The following CERS6 variants were observed in gnomAD, a reference collection of about 807,000 sequenced individuals.
CERS6 encodes the protein ceramide synthase 6.
CERS6 carries 26 observed loss-of-function variants against 56.8 expected under a neutral mutation model. The ratio of observed to expected loss-of-function variants is 0.46; its 90% CI spans 0.34 to 0.63. The LOEUF is 0.63. CERS6 is among the 30% of genes least tolerant of loss of function. The pLI is 0.01. For synonymous variants in CERS6, 164 were observed against 173.3 expected, an observed-to-expected ratio of 0.95 and a Z score of 0.42; for missense variants, 415 against 467.5, an observed-to-expected ratio of 0.89 and a Z score of 1.04.
At chr2:168,471,854 T>G (rs1413888477) in intron 1 of CERS6, among the ~76,000 whole-genome samples, 1 of 152,214 alleles carries the variant, frequency 6.6e-6, no homozygotes, top group African/African-American at 2.4e-5. Flanking sequence ...CCAAAGTAAG[T>G]AAATAGTATA....
chr2:168,475,574 A>C (rs1694053876), intron 1 of CERS6, among the ~76,000 whole-genome samples: 2 of 151,412 alleles, frequency 1.3e-5, no homozygotes. Flanking sequence ...TATAAACAAT[A>C]AGGCTAGCAG....
At position 168,652,854 on chromosome 2, in the gene CERS6, A is replaced by T. The variant is rs922398664; in HGVS notation, c.465+21812A>T. 2.0e-5 allele frequency among the ~76,000 whole-genome samples: 3 copies of T among 152,314 alleles called. No individual in the cohort carries two copies. The South Asian group carries it at 6.2e-4, about 32-fold the overall frequency. On this transcript the variant is annotated intron_variant, in intron 4 of 9. Coordinates refer to ENST00000305747, the MANE Select transcript of CERS6 (RefSeq NM_203463.3). ...CCAATGCACAGACACGTGCTCTTTCACATTCATTCAGTTTCATTCCTTGTA... is the reference window on the plus strand; with the variant it reads ...CCAATGCACAGACACGTGCTCTTTCTCATTCATTCAGTTTCATTCCTTGTA...
In CERS6 at chr2:168,772,900, G is replaced by A. The variant is rs1198405156; in HGVS notation, c.*3238G>A. The A allele has an allele frequency of 6.6e-6, 1 of 152,600 alleles. No homozygotes were observed. The highest frequency in any genetic ancestry group is 1.9e-4 in the East Asian group (1 of 5,200). The allele number at this position is 152,600 out of a possible 1,614,324, so 9.5% of individuals were successfully genotyped here. A position where few individuals can be genotyped will look rare whatever the true frequency, so the allele number is the denominator to read the frequency against. On this transcript the variant is annotated 3_prime_UTR_variant, in exon 10 of 10. Transcript: ENST00000305747. ...AGTGAGATAAAATCAGATCACCTTT[G>A]ATCAAAATGGTTGGTGAACCTCCAC...
chr2:168,462,011 T>C (rs1233415251), intron 1 of CERS6, among the ~76,000 whole-genome samples: 3 of 152,244 alleles, frequency 2.0e-5, no homozygotes, highest in Non-Finnish European at 4.4e-5. Flanking sequence ...ATCCTCAGGC[T>C]GCCCTCTTGT....
intron 1 of CERS6, among the ~76,000 whole-genome samples, chr2:168,520,724 C>G (rs541153167): frequency 6.7e-6 from 1 of 149,082 alleles, no homozygotes; most frequent in African/African-American, 2.5e-5. Flanking sequence ...ATTCTTGTGC[C>G]TCAGCCTCCT....
At position 168,730,743 on chromosome 2, in the gene CERS6, T is replaced by A. The variant is rs114463116; in HGVS notation, c.845+12765T>A. ...TTGAAAGGACGGCATATAAACCCAC[T>A]TATAATTTTCACAAACAGTTGTGTC... On this transcript the variant is annotated intron_variant, in intron 8 of 9. Transcript: ENST00000305747. Among the ~76,000 whole-genome samples the A allele has an allele frequency of 7.1e-3, 1,084 of 152,278 alleles. 11 individuals are homozygous for A. Among genetic ancestry groups the A allele is most frequent in the African/African-American group, 0.024 (1,017 of 41,584 alleles).
Position 168,773,356 on chromosome 2 carries a change from A to G in CERS6, c.*3694A>G, listed in dbSNP as rs1574236303. 1.3e-5 allele frequency: 2 copies of G among 152,382 alleles called. No individual in the cohort carries two copies. Among genetic ancestry groups the G allele is most frequent in the Non-Finnish European group, 2.9e-5 (2 of 68,038 alleles). 9.4% of individuals were successfully genotyped at this position (152,382 alleles called of 1,614,324 possible). A position where few individuals can be genotyped will look rare whatever the true frequency, so the allele number is the denominator to read the frequency against. ...AGAGGCTTCAAGAAATCCTTTGGAA[A>G]TAAAAAGTTAAATGTTTACATTTCA... On this transcript the variant is annotated 3_prime_UTR_variant, in exon 10 of 10. Transcript: ENST00000305747.
chr2:168,724,319 T>C (rs1683277999), intron 8 of CERS6, among the ~76,000 whole-genome samples: 2 of 152,166 alleles, frequency 1.3e-5, no homozygotes, highest in African/African-American at 4.8e-5. Context: ...TTACAGCTCA[T>C]AAAAGCAGTG....
intron 4 of CERS6, among the ~76,000 whole-genome samples, chr2:168,641,958 A>G (rs1465025866): frequency 6.6e-6 from 1 of 152,092 alleles, no homozygotes; most frequent in East Asian, 1.9e-4. Flanking sequence ...GGGGAAAACA[A>G]CTTTAATGAC....
At chr2:168,691,330 A>C (rs1387438164) in intron 5 of CERS6, among the ~76,000 whole-genome samples, 1 of 152,200 alleles carries the variant, frequency 6.6e-6, no homozygotes, top group Non-Finnish European at 1.5e-5. Context: ...TTACAAGGGA[A>C]TAGGATCAAT....
At chr2:168,666,535 G>A (rs1365374334) in intron 4 of CERS6, among the ~76,000 whole-genome samples, 1 of 152,116 alleles carries the variant, frequency 6.6e-6, no homozygotes, top group Non-Finnish European at 1.5e-5. Context: ...TCCATTGTGT[G>A]TATATACCAC....
Position 168,465,479 on chromosome 2 carries a change from T to A in CERS6, c.170+8861T>A, listed in dbSNP as rs1693854265. On this transcript the variant is annotated intron_variant, in intron 1 of 9. Coordinates refer to ENST00000305747, the MANE Select transcript of CERS6 (RefSeq NM_203463.3). The stretch of plus-strand genomic sequence containing the variant: ...CCCCACCTCCTAACACCATCACACT[T>A]AGTTATTAGGTTTCAACGTGAATTT... 2.6e-5 allele frequency among the ~76,000 whole-genome samples: 4 copies of A among 152,156 alleles called. No homozygotes were observed. In the South Asian group the frequency reaches 8.3e-4, roughly 32 times the overall value.
intron 8 of CERS6, among the ~76,000 whole-genome samples, chr2:168,759,154 CAG>C (rs1684496436): frequency 6.6e-6 from 1 of 152,144 alleles, no homozygotes; most frequent in African/African-American, 2.4e-5. Flanking sequence ...ACAGGTGTAT[CAG>C]GGCATCAGCA....
intron 3 of CERS6, among the ~76,000 whole-genome samples, chr2:168,629,241 A>G (rs1016056666): frequency 2.6e-5 from 4 of 152,210 alleles, no homozygotes; most frequent in African/African-American, 4.8e-5. Context: ...AAACTTTTTT[A>G]TACATAAAAA....
chr2:168,735,086 G>A (rs1280296304), intron 8 of CERS6, among the ~76,000 whole-genome samples: 1 of 152,148 alleles, frequency 6.6e-6, no homozygotes, highest in East Asian at 1.9e-4. Flanking sequence ...ATTCTCAAGT[G>A]GACCAGTTCT....
At chr2:168,466,963 G>T (rs1161053185) in intron 1 of CERS6, among the ~76,000 whole-genome samples, 2 of 152,148 alleles carry the variant, frequency 1.3e-5, no homozygotes, top group Admixed American at 1.3e-4. Flanking sequence ...TATCTTTGAG[G>T]TTTTCAGGTT....
rs920532170 is a variant in CERS6 at position 168,560,114 on chromosome 2, C to T, written c.277-1078C>T. On this transcript the variant is annotated intron_variant, in intron 2 of 9. Coordinates refer to ENST00000305747, the MANE Select transcript of CERS6 (RefSeq NM_203463.3). ...GGCTGGTGAGACTTCACAATCATGG[C>T]GGAAGGTGAAAGGCATGTCCCATAT... Among the ~76,000 whole-genome samples, 9 of 152,094 alleles carry T rather than the reference C, an allele frequency of 5.9e-5. No homozygotes were observed. In the South Asian group the frequency reaches 6.2e-4, roughly 11 times the overall value.
chr2:168,491,303 G>A (rs1442388135), intron 1 of CERS6, among the ~76,000 whole-genome samples: 2 of 152,164 alleles, frequency 1.3e-5, no homozygotes, highest in African/African-American at 4.8e-5. Context: ...AGGGCTTTGC[G>A]CCCATGTTTG....
In CERS6 at chr2:168,769,840, A is replaced by G. The variant is rs1684819173; in HGVS notation, c.*178A>G. On this transcript the variant is annotated 3_prime_UTR_variant, in exon 10 of 10. Transcript: ENST00000305747. ...TGTCTGTGAATGAAGAAGAATTACC[A>G]TTCTCTCTTTGTAGGCATGCTGTAT... The G allele has an allele frequency of 6.5e-6, 4 of 619,572 alleles. No individual in the cohort carries two copies. The highest frequency in any genetic ancestry group is 8.3e-4 in the Middle Eastern group (2 of 2,406). 38.4% of individuals were successfully genotyped at this position (619,572 alleles called of 1,614,324 possible). A position where few individuals can be genotyped will look rare whatever the true frequency, so the allele number is the denominator to read the frequency against.
Sources: allele counts gnomAD v4.1 joint callset (sites outside exome capture counted in the v4.1 genomes callset), GRCh38; gene constraint gnomAD v4.1.1; transcripts MANE v1.5; gene names NCBI Gene and HGNC (gene_info 2026-07-23, HGNC 2026-07-21).